ZBTB20: variants seen among roughly 807,000 people sequenced by gnomAD.
ZBTB20 encodes the protein zinc finger and BTB domain-containing protein 20.
A neutral mutation model predicts 56.9 loss-of-function variants in ZBTB20; 9 were observed. The ratio of observed to expected loss-of-function variants is 0.16; its 90% CI spans 0.10 to 0.28. ZBTB20 has a LOEUF of 0.28. ZBTB20 is among the 10% of genes least tolerant of loss of function. The pLI is 1.00. For missense variants in ZBTB20, 655 were observed against 1,003.0 expected (o/e 0.65, Z 4.69); for synonymous variants, 417 against 420.7 (o/e 0.99, Z 0.11).
intron 3 of ZBTB20, among the ~76,000 whole-genome samples, chr3:114,947,555 C>G (rs1050397530): frequency 6.9e-6 from 1 of 145,902 alleles, no homozygotes; most frequent in African/African-American, 2.8e-5. Context: ...AACTCAGAAA[C>G]AGAGACAAAT....
intron 7 of ZBTB20, among the ~76,000 whole-genome samples, chr3:114,420,610 A>G (rs2089066378): frequency 6.6e-6 from 1 of 152,124 alleles, no homozygotes; most frequent in Non-Finnish European, 1.5e-5. Flanking sequence ...AGTCTTTCCC[A>G]TGTCAAGACA....
At chr3:114,675,868 C>T (rs1320897066) in intron 6 of ZBTB20, among the ~76,000 whole-genome samples, 1 of 151,988 alleles carries the variant, frequency 6.6e-6, no homozygotes, top group African/African-American at 2.4e-5. Flanking sequence ...ACAGCAGTAA[C>T]AATAACAATA....
intron 6 of ZBTB20, among the ~76,000 whole-genome samples, chr3:114,656,383 G>C (rs1473732022): frequency 6.6e-6 from 1 of 152,108 alleles, no homozygotes; most frequent in Non-Finnish European, 1.5e-5. Flanking sequence ...CTGCTGTTAA[G>C]ATTCTCCAAC....
At chr3:114,751,127 T>C (rs2067527516) in intron 5 of ZBTB20, among the ~76,000 whole-genome samples, 1 of 152,136 alleles carries the variant, frequency 6.6e-6, no homozygotes, top group Admixed American at 6.6e-5. Flanking sequence ...TTATTATTTA[T>C]ATATCAATAC....
chr3:114,819,673 A>T (rs1236071547), intron 4 of ZBTB20, among the ~76,000 whole-genome samples: 1 of 151,990 alleles, frequency 6.6e-6, no homozygotes, highest in Admixed American at 6.6e-5. Flanking sequence ...AATTAAAAAT[A>T]TAAAACAGAA....
intron 8 of ZBTB20, 101 bp from the exon 9 acceptor site, chr3:114,381,041 T>C (rs2084270273): frequency 3.6e-6 from 1 of 277,234 alleles, no homozygotes; most frequent in African/African-American, 2.2e-5. Context: ...TTTCCTGCTC[T>C]TATTAAGATT....
At chr3:115,089,852 C>T (rs564435449) in intron 1 of ZBTB20, among the ~76,000 whole-genome samples, 69 of 151,876 alleles carry the variant, frequency 4.5e-4, no homozygotes, top group South Asian at 1.0e-3. Flanking sequence ...GAGTTCTAAT[C>T]GGTTTTCAAG....
chr3:114,812,843 C>A (rs1314930083), intron 4 of ZBTB20, among the ~76,000 whole-genome samples: 1 of 152,220 alleles, frequency 6.6e-6, no homozygotes, highest in Non-Finnish European at 1.5e-5. Context: ...CCCTGCCCCG[C>A]GGGAAGGCAG....
chr3:114,682,768 C>A (rs2062060972), intron 6 of ZBTB20, among the ~76,000 whole-genome samples: 1 of 152,232 alleles, frequency 6.6e-6, no homozygotes, highest in South Asian at 2.1e-4. Flanking sequence ...ATTCTTCACT[C>A]CCTCTCTATA....
chr3:114,856,734 A>G (rs2075273229), intron 4 of ZBTB20, among the ~76,000 whole-genome samples: 1 of 152,176 alleles, frequency 6.6e-6, no homozygotes, highest in Admixed American at 6.5e-5. Context: ...AACCTTTAGC[A>G]TTTTGCAAAT....
chr3:114,457,263 C>T (rs2092075481), intron 7 of ZBTB20, among the ~76,000 whole-genome samples: 1 of 152,148 alleles, frequency 6.6e-6, no homozygotes, highest in African/African-American at 2.4e-5. Flanking sequence ...GTTTTCCTTT[C>T]TGTAAAAGGT....
At chr3:114,406,537 A>G (rs891128575) in intron 7 of ZBTB20, among the ~76,000 whole-genome samples, 1 of 152,170 alleles carries the variant, frequency 6.6e-6, no homozygotes, top group African/African-American at 2.4e-5. Context: ...TACAAAGTAA[A>G]CCAGCTAAAT....
At chr3:114,713,797 TTATAA>T (rs1202499626) in intron 5 of ZBTB20, among the ~76,000 whole-genome samples, 1 of 152,192 alleles carries the variant, frequency 6.6e-6, no homozygotes, top group African/African-American at 2.4e-5. Context: ...ATATCTAAAT[TTATAA>T]TATACACGAA....
intron 7 of ZBTB20, among the ~76,000 whole-genome samples, chr3:114,456,749 GC>G (rs2092045121): frequency 6.6e-6 from 1 of 152,300 alleles, no homozygotes; most frequent in Admixed American, 6.5e-5. Flanking sequence ...TGAAAGAGGT[GC>G]TTATGAAGAG....
chr3:114,854,690 C>T (rs1457349607), intron 4 of ZBTB20, among the ~76,000 whole-genome samples: 1 of 152,086 alleles, frequency 6.6e-6, no homozygotes, highest in Non-Finnish European at 1.5e-5. Flanking sequence ...TCACTGATAC[C>T]CTGCAGGGCT....
At chr3:114,762,505 G>A (rs1240150262) in intron 5 of ZBTB20, among the ~76,000 whole-genome samples, 1 of 152,112 alleles carries the variant, frequency 6.6e-6, no homozygotes, top group Non-Finnish European at 1.5e-5. Context: ...ATGAAATGGT[G>A]GTATTTCTTT....
chr3:114,342,171 C>T (rs1338967534), intron 11 of ZBTB20, among the ~76,000 whole-genome samples: 1 of 152,156 alleles, frequency 6.6e-6, no homozygotes, highest in Non-Finnish European at 1.5e-5. Flanking sequence ...ATTTGAAACG[C>T]AGTCACTCAG....
At position 114,319,076 on chromosome 3, in the gene ZBTB20, C is replaced by T. The variant is rs754908552; in HGVS notation, c.*19929G>A. 6 of 151,884 alleles carry T rather than the reference C, an allele frequency of 4.0e-5. No homozygotes were observed. Among genetic ancestry groups the T allele is most frequent in the Non-Finnish European group, 5.9e-5 (4 of 67,990 alleles). The allele number at this position is 151,884 out of a possible 1,614,324, so 9.4% of individuals were successfully genotyped here. A position where few individuals can be genotyped will look rare whatever the true frequency, so the allele number is the denominator to read the frequency against. On this transcript the variant is annotated 3_prime_UTR_variant, in exon 12 of 12. Coordinates refer to ENST00000675478, the MANE Select transcript of ZBTB20 (RefSeq NM_001348800.3). The stretch of plus-strand genomic sequence containing the variant: ...AACAATATAATCCCAACTTTTAACA[C>T]GCATCTTGAATCAGTAATTTTTTTT...
chr3:114,549,451 AT>A (rs879814769), intron 6 of ZBTB20, among the ~76,000 whole-genome samples: 1 of 151,982 alleles, frequency 6.6e-6, no homozygotes, highest in Non-Finnish European at 1.5e-5. Context: ...TTTACTGCTA[AT>A]TTTTTTTCAA....
Sources: gnomAD v4.1 joint callset for allele counts (sites outside exome capture counted in the v4.1 genomes callset) on GRCh38, gnomAD v4.1.1 for gene constraint, MANE v1.5 for transcripts, NCBI Gene and HGNC (gene_info 2026-07-23, HGNC 2026-07-21) for gene names.